Variants in USP12 observed in about 807,000 individuals in gnomAD.
USP12 encodes ubiquitin carboxyl-terminal hydrolase 12.
A neutral mutation model predicts 45.5 loss-of-function variants in USP12; 19 were observed. The observed-to-expected ratio is 0.42, with a 90% CI of 0.29 to 0.61. The LOEUF (loss-of-function observed/expected upper bound fraction) is 0.61. USP12 is among the 20% of genes least tolerant of loss of function. USP12 has a pLI of 0.22. For missense variants in USP12, 242 were observed against 447.7 expected (o/e 0.54, Z 4.15); for synonymous variants, 149 against 148.8 (o/e 1.00, Z -0.01).
At chr13:27,170,927 T>C (rs182699174) in intron 1 of USP12, among the ~76,000 whole-genome samples, 1 of 152,312 alleles carries the variant, frequency 6.6e-6, no homozygotes, top group Non-Finnish European at 1.5e-5. Context: ...ACAGTACTTA[T>C]TTAAAGTTTC....
At chr13:27,136,737 T>C (rs1297760816) in intron 1 of USP12, among the ~76,000 whole-genome samples, 1 of 152,182 alleles carries the variant, frequency 6.6e-6, no homozygotes, top group Non-Finnish European at 1.5e-5. Context: ...ATGCATTATA[T>C]GGTCCATATG....
chr13:27,071,281 C>T, intron 7 of USP12, 132 bp from the exon 8 acceptor site: 3 of 680,084 alleles, frequency 4.4e-6, no homozygotes, highest in Non-Finnish European at 7.1e-6. Context: ...TTTTATACCC[C>T]TTACCTATTC....
intron 1 of USP12, among the ~76,000 whole-genome samples, chr13:27,170,959 C>T (rs1056279801): frequency 6.6e-6 from 1 of 152,224 alleles, no homozygotes; most frequent in Non-Finnish European, 1.5e-5. Flanking sequence ...ACGCCCCTTT[C>T]CCCCAGCGCG....
chr13:27,106,114 T>C (rs1201994691), intron 2 of USP12, among the ~76,000 whole-genome samples, 170 bp from the exon 3 acceptor site: 1 of 152,126 alleles, frequency 6.6e-6, no homozygotes, highest in Non-Finnish European at 1.5e-5. Context: ...AAAAATTCTT[T>C]GGAAATCACA....
chr13:27,120,390 C>T (rs753132271), intron 1 of USP12, among the ~76,000 whole-genome samples: 9 of 152,144 alleles, frequency 5.9e-5, no homozygotes, highest in Non-Finnish European at 1.2e-4. Flanking sequence ...CAGTAGCTCA[C>T]GCCTGTAATC....
At chr13:27,109,006 C>T (rs928297683) in intron 2 of USP12, among the ~76,000 whole-genome samples, 2 of 152,028 alleles carry the variant, frequency 1.3e-5, no homozygotes, top group Non-Finnish European at 2.9e-5. Context: ...AAAAAGCAGC[C>T]CTCTTTAGTC....
At chr13:27,136,620 T>C (rs559630758) in intron 1 of USP12, among the ~76,000 whole-genome samples, 2 of 152,310 alleles carry the variant, frequency 1.3e-5, no homozygotes, top group Non-Finnish European at 2.9e-5. Flanking sequence ...CAACTCACGT[T>C]AAATTAGAGA....
rs1878641232 is a variant in USP12, at chr13:27,171,737, C to G, written c.-98G>C. 1.3e-6 allele frequency: 1 copy of G among 768,198 alleles called. No homozygotes were observed. The highest frequency in any genetic ancestry group is 1.9e-5 in the African/African-American group (1 of 51,620). 47.6% of individuals were successfully genotyped at this position (768,198 alleles called of 1,614,324 possible). On this transcript the variant is annotated 5_prime_UTR_variant, in exon 1 of 9. Coordinates refer to ENST00000282344, the MANE Select transcript of USP12 (RefSeq NM_182488.4). ...CTCGCACCGCAGCCCGCGGGCGGAC[C>G]CCGAGCCGCCGCGGACCCAACCACC...
At chr13:27,116,434 C>T (rs546903330) in intron 2 of USP12, 82 bp downstream of exon 2, 1 of 1,223,928 alleles carries the variant, frequency 8.2e-7, no homozygotes, top group Non-Finnish European at 1.1e-6. Flanking sequence ...AACAATTTTC[C>T]TTTAATAACT....
At chr13:27,080,650 C>A (rs1037584656) in intron 6 of USP12, among the ~76,000 whole-genome samples, 2 of 152,142 alleles carry the variant, frequency 1.3e-5, no homozygotes, top group African/African-American at 4.8e-5. Flanking sequence ...CATTGGATCC[C>A]ACAGAGTAGT....
intron 2 of USP12, among the ~76,000 whole-genome samples, chr13:27,115,617 T>A (rs116902525): frequency 3.7e-4 from 56 of 152,312 alleles, no homozygotes; most frequent in Non-Finnish European, 7.8e-4. Flanking sequence ...AACAATTATA[T>A]AGCACAAGTT....
In USP12 at chr13:27,129,398, T is replaced by C. The variant is rs2137809230; in HGVS notation, c.49-12802A>G. On this transcript the variant is annotated intron_variant, in intron 1 of 8. Transcript: ENST00000282344. The surrounding 1 kb of genome is among the most constrained non-coding windows in gnomAD (Gnocchi z 4.0). Reference sequence around the variant, plus strand: ...AAAACCATTCTTAGTAACCACACCATCAACAGCTCATAAAATGACAGTGTC... The same window carrying C: ...AAAACCATTCTTAGTAACCACACCACCAACAGCTCATAAAATGACAGTGTC... Among the ~76,000 whole-genome samples the C allele has an allele frequency of 6.6e-6, 1 of 152,358 alleles. No individual in the cohort carries two copies. Among genetic ancestry groups the C allele is most frequent in the Non-Finnish European group, 1.5e-5 (1 of 68,034 alleles).
chr13:27,125,955 T>G (rs1876214496), intron 1 of USP12, among the ~76,000 whole-genome samples: 1 of 152,234 alleles, frequency 6.6e-6, no homozygotes, highest in Admixed American at 6.5e-5. Context: ...GCTTACAGCA[T>G]AAAGCAGCAG....
Position 27,109,392 on chromosome 13 carries a change from G to A in USP12, c.130-3448C>T, listed in dbSNP as rs1047104566. On this transcript the variant is annotated intron_variant, in intron 2 of 8. Coordinates refer to ENST00000282344, the MANE Select transcript of USP12 (RefSeq NM_182488.4). ...CACTAAACTTTAATCAAGTCTCTAC[G>A]TGTAACTACTAATTTACAAGACAGT... Among the ~76,000 whole-genome samples the A allele has an allele frequency of 3.2e-4, 48 of 152,014 alleles. 1 individual carries two copies. Among genetic ancestry groups the A allele is most frequent in the Admixed American group, 2.9e-3 (45 of 15,274 alleles).
chr13:27,158,047 T>A (rs780080497), intron 1 of USP12, among the ~76,000 whole-genome samples: 1 of 152,218 alleles, frequency 6.6e-6, no homozygotes, highest in Non-Finnish European at 1.5e-5. Flanking sequence ...TGTTCCCTAA[T>A]AAAGGTACGT....
intron 1 of USP12, among the ~76,000 whole-genome samples, chr13:27,128,416 T>A (rs1876341975): frequency 6.6e-6 from 1 of 152,190 alleles, no homozygotes; most frequent in African/African-American, 2.4e-5. Flanking sequence ...ACTTTACAGA[T>A]CCTACTTTCC....
In USP12 at chr13:27,129,570, T is replaced by C. The variant is rs1876397796; in HGVS notation, c.49-12974A>G. Among the ~76,000 whole-genome samples, 6 of 152,072 alleles carry C rather than the reference T, an allele frequency of 3.9e-5. No homozygotes were observed. Among genetic ancestry groups the C allele is most frequent in the Admixed American group, 3.9e-4 (6 of 15,264 alleles). ...AAGACTCTGTCTCTACAGAGGATGT[T>C]GTGGAGCACGCCTGTAGTCCCAGCT... On this transcript the variant is annotated intron_variant, in intron 1 of 8. Transcript: ENST00000282344. The surrounding 1 kb of genome is among the most constrained non-coding windows in gnomAD (Gnocchi z 4.0).
chr13:27,104,436 A>G (rs1314107373), intron 3 of USP12, among the ~76,000 whole-genome samples: 1 of 152,226 alleles, frequency 6.6e-6, no homozygotes, highest in Non-Finnish European at 1.5e-5. Context: ...AGTTTTGTAC[A>G]GACACACACA....
At chr13:27,133,520 G>A (rs985756647) in intron 1 of USP12, among the ~76,000 whole-genome samples, 2 of 151,932 alleles carry the variant, frequency 1.3e-5, no homozygotes, top group Admixed American at 6.6e-5. Flanking sequence ...CCCAGCTACC[G>A]GTGGGGCTGA....
Sources: gnomAD v4.1 joint callset for allele counts (sites outside exome capture counted in the v4.1 genomes callset) on GRCh38, gnomAD v4.1.1 for gene constraint, Gnocchi (gnomAD v3.1) non-coding constraint, MANE v1.5 for transcripts, NCBI Gene and HGNC (gene_info 2026-07-23, HGNC 2026-07-21) for gene names.